FAM184B: variants seen among roughly 807,000 people sequenced by gnomAD.
The protein encoded by FAM184B is protein FAM184B.
Under a neutral mutation model 135.9 loss-of-function variants are expected in FAM184B, and 111 were observed. The observed-to-expected ratio is 0.82, with a 90% confidence interval of 0.70 to 0.96. The LOEUF is 0.96. Among genes scored for constraint, FAM184B ranks in the 40% least tolerant of loss-of-function variants. FAM184B has a pLI of 0.00. For synonymous variants in FAM184B, 552 were observed against 524.8 expected (o/e 1.05, Z -0.71); for missense variants, 1,375 against 1,323.9 (o/e 1.04, Z -0.60).
Position 17,781,318 on chromosome 4 carries a change from A to T in FAM184B, c.-19T>A. ...AAGCCATCGCTAAAACGCGCCCAGC[A>T]CTCAGACTCTCTCGTTTTCTCCCTG... On this transcript the variant is annotated 5_prime_UTR_variant, in exon 1 of 18. Coordinates refer to ENST00000265018, the MANE Select transcript of FAM184B (RefSeq NM_015688.2). This position sits in a 1 kb window ranked among gnomAD's most constrained non-coding sequence, Gnocchi z 6.5. 1 of 1,513,236 alleles carries T rather than the reference A, an allele frequency of 6.6e-7. No individual in the cohort carries two copies. Among genetic ancestry groups the T allele is most frequent in the Non-Finnish European group, 8.9e-7 (1 of 1,123,638 alleles). The allele number at this position is 1,513,236 out of a possible 1,614,324, so 93.7% of individuals were successfully genotyped here. A position where few individuals can be genotyped will look rare whatever the true frequency, so the allele number is the denominator to read the frequency against.
intron 6 of FAM184B, among the ~76,000 whole-genome samples, chr4:17,688,935 C>T (rs953393853): frequency 3.3e-5 from 5 of 152,026 alleles, no homozygotes; most frequent in East Asian, 1.9e-4. Flanking sequence ...TTAAGCGATC[C>T]GCCTGCCTCG....
At chr4:17,646,078 A>C (rs1350656165) in intron 12 of FAM184B, among the ~76,000 whole-genome samples, 2 of 152,194 alleles carry the variant, frequency 1.3e-5, no homozygotes, top group Non-Finnish European at 2.9e-5. Flanking sequence ...GTCAGGAAAC[A>C]ACAGGTGCTG....
At chr4:17,741,386 T>C (rs1001361209) in intron 1 of FAM184B, among the ~76,000 whole-genome samples, 2 of 152,162 alleles carry the variant, frequency 1.3e-5, no homozygotes, top group Non-Finnish European at 2.9e-5. Flanking sequence ...AGCGCAGTCC[T>C]GCCCAGGGTT....
At chr4:17,729,900 A>G (rs536689032) in intron 1 of FAM184B, among the ~76,000 whole-genome samples, 1 of 152,386 alleles carries the variant, frequency 6.6e-6, no homozygotes, top group African/African-American at 2.4e-5. Context: ...CAGCAATGGA[A>G]CAAAGCTGGA....
At chr4:17,751,133 C>A (rs987030101) in intron 1 of FAM184B, among the ~76,000 whole-genome samples, 12 of 151,776 alleles carry the variant, frequency 7.9e-5, no homozygotes, top group African/African-American at 2.9e-4. Flanking sequence ...CATGATGAAA[C>A]CCTGGCTTTA....
chr4:17,781,063 G>A lies in FAM184B; in HGVS notation c.141+96C>T. 7.2e-7 allele frequency: 1 copy of A among 1,396,988 alleles called. No homozygotes were observed. 86.5% of individuals were successfully genotyped at this position (1,396,988 alleles called of 1,614,324 possible). A position where few individuals can be genotyped will look rare whatever the true frequency, so the allele number is the denominator to read the frequency against. On this transcript the variant is annotated intron_variant, in intron 1 of 17. Coordinates refer to ENST00000265018, the MANE Select transcript of FAM184B (RefSeq NM_015688.2). The surrounding 1 kb of genome is among the most constrained non-coding windows in gnomAD (Gnocchi z 6.5). ...GCCTCCGAGACAAAGTTTCTGTCTG[G>A]ATTTGGCCCGGGCCTCCCGGGAGGC...
intron 12 of FAM184B, among the ~76,000 whole-genome samples, chr4:17,645,948 A>C (rs1254959116): frequency 2.6e-5 from 4 of 152,264 alleles, no homozygotes; most frequent in Non-Finnish European, 4.4e-5. Context: ...AAAAGAAGAC[A>C]TTTATGCAGC....
At position 17,709,430 on chromosome 4, in the gene FAM184B, A is replaced by G; in HGVS notation, c.356T>C (p.Leu119Pro). 1 of 1,519,800 alleles carries G rather than the reference A, an allele frequency of 6.6e-7. No individual in the cohort carries two copies. Among genetic ancestry groups the G allele is most frequent in the South Asian group, 1.2e-5 (1 of 80,278 alleles). 94.1% of individuals were successfully genotyped at this position (1,519,800 alleles called of 1,614,324 possible). The change falls in exon 2 of 18, where the codon CTG becomes CCG. Residue 119 changes from leucine (L) to proline (P), a missense_variant. Leu to Pro is a moderately conservative substitution (Grantham distance 98). Coordinates refer to ENST00000265018, the MANE Select transcript of FAM184B (RefSeq NM_015688.2). Reference sequence around the variant, plus strand: ...CAGCCTGCACGAGGCCGACTCAGCCAGCGCCTCCTCCGTCAGCCTCTTTTG... The same window carrying G: ...CAGCCTGCACGAGGCCGACTCAGCCGGCGCCTCCTCCGTCAGCCTCTTTTG... ...ELQKRLTEEA[L>P]AESASCRLET...
chr4:17,649,076 G>A (rs957489032), intron 11 of FAM184B, among the ~76,000 whole-genome samples: 6 of 152,114 alleles, frequency 3.9e-5, no homozygotes, highest in Admixed American at 1.3e-4. Context: ...TTGAAACATT[G>A]TTCTGATCAT....
intron 1 of FAM184B, among the ~76,000 whole-genome samples, chr4:17,752,621 C>G (rs1718329041): frequency 6.6e-6 from 1 of 152,130 alleles, no homozygotes; most frequent in African/African-American, 2.4e-5. Context: ...ATCCCAAAAT[C>G]AGACCACAGG....
At chr4:17,648,635 G>A (rs934220454) in intron 11 of FAM184B, among the ~76,000 whole-genome samples, 6 of 152,134 alleles carry the variant, frequency 3.9e-5, no homozygotes, top group Admixed American at 1.3e-4. Flanking sequence ...ATTATAGCGC[G>A]TGAGCCACAG....
intron 12 of FAM184B, among the ~76,000 whole-genome samples, chr4:17,643,012 T>C (rs981998814): frequency 1.3e-5 from 2 of 152,244 alleles, no homozygotes; most frequent in Admixed American, 6.5e-5. Context: ...CCAGGCCCCA[T>C]GTCTCTGCCT....
At chr4:17,649,583 CAA>C (rs10564359) in intron 11 of FAM184B, among the ~76,000 whole-genome samples, 76,509 of 136,000 alleles carry the variant, frequency 0.56, 21,973 homozygotes, top group East Asian at 0.88. Context: ...GACTCCATCT[CAA>C]AAAAAAAAAA....
At chr4:17,751,823 G>GCACACACACACACACA (rs3222789) in intron 1 of FAM184B, among the ~76,000 whole-genome samples, 7,155 of 115,718 alleles carry the variant, frequency 0.062, 493 homozygotes, top group Admixed American at 0.087. Flanking sequence ...TAAAAACAAG[G>GCACACACACACACACA]CACACACACA....
chr4:17,713,281 A>C (rs1577272683), intron 1 of FAM184B, among the ~76,000 whole-genome samples: 1 of 152,196 alleles, frequency 6.6e-6, no homozygotes, highest in African/African-American at 2.4e-5. Context: ...GAGAATAAGC[A>C]CTACCTTGAG....
chr4:17,640,727 A>T (rs993984290), intron 13 of FAM184B, among the ~76,000 whole-genome samples: 2 of 152,214 alleles, frequency 1.3e-5, no homozygotes, highest in Admixed American at 1.3e-4. Flanking sequence ...GAAATAGATA[A>T]TATGAAATAT....
intron 1 of FAM184B, among the ~76,000 whole-genome samples, chr4:17,727,362 A>G (rs897066528): frequency 3.3e-5 from 5 of 152,202 alleles, no homozygotes; most frequent in African/African-American, 1.2e-4. Flanking sequence ...TGTCCCTCTC[A>G]AGCAGTGTGA....
Position 17,630,344 on chromosome 4 carries a change from A to G in FAM184B, c.*2188T>C, listed in dbSNP as rs767945803. 5 of 152,194 alleles carry G rather than the reference A, an allele frequency of 3.3e-5. No individual in the cohort carries two copies. Among genetic ancestry groups the G allele is most frequent in the Non-Finnish European group, 7.3e-5 (5 of 68,040 alleles). 9.4% of individuals were successfully genotyped at this position (152,194 alleles called of 1,614,324 possible). On this transcript the variant is annotated 3_prime_UTR_variant, in exon 18 of 18. Transcript: ENST00000265018. Reference sequence around the variant, plus strand: ...GTATTAAGAGGTGGGGCTTTTGGGAAGCAATGGAGTCATGAGGGCTTCACC... The same window carrying G: ...GTATTAAGAGGTGGGGCTTTTGGGAGGCAATGGAGTCATGAGGGCTTCACC...
At chr4:17,724,131 A>T (rs201087820) in intron 1 of FAM184B, among the ~76,000 whole-genome samples, 1 of 144,780 alleles carries the variant, frequency 6.9e-6, no homozygotes, top group Non-Finnish European at 1.6e-5. Context: ...ACACACACAC[A>T]CACTCACACA....
Sources: gnomAD v4.1 joint callset for allele counts (sites outside exome capture counted in the v4.1 genomes callset) on GRCh38, gnomAD v4.1.1 for gene constraint, Gnocchi (gnomAD v3.1) non-coding constraint, MANE v1.5 for transcripts, NCBI Gene and HGNC (gene_info 2026-07-23, HGNC 2026-07-21) for gene names.